Variants in PPP1R16B observed in about 807,000 individuals in gnomAD.
The protein encoded by PPP1R16B is protein phosphatase 1 regulatory inhibitor subunit 16B.
In PPP1R16B, 14 loss-of-function variants were observed where a neutral mutation model predicts 61.7. That is an observed-to-expected ratio of 0.23 (90% CI 0.15 to 0.35). The LOEUF is 0.35. PPP1R16B is among the 10% of genes least tolerant of loss of function. The probability of loss-of-function intolerance (pLI) is 1.00; values close to 1 mark genes in which losing one functional copy is unlikely to be tolerated. For missense variants in PPP1R16B, 547 were observed against 752.5 expected (o/e 0.73, Z 3.19); for synonymous variants, 266 against 305.3 (o/e 0.87, Z 1.34).
intron 2 of PPP1R16B, among the ~76,000 whole-genome samples, chr20:38,865,901 G>A (rs986060779): frequency 6.6e-6 from 1 of 152,022 alleles, no homozygotes; most frequent in African/African-American, 2.4e-5. Context: ...CGAGTTGGGC[G>A]GATCATGAGG....
intron 1 of PPP1R16B, among the ~76,000 whole-genome samples, chr20:38,834,094 A>G (rs931784940): frequency 6.6e-6 from 1 of 152,222 alleles, no homozygotes; most frequent in Admixed American, 6.5e-5. Context: ...TGCTGCATTT[A>G]CATCTCCCTA....
intron 2 of PPP1R16B, 137 bp from the exon 3 acceptor site, chr20:38,889,458 G>C (rs1027503842): frequency 5.4e-6 from 4 of 735,842 alleles, no homozygotes; most frequent in Non-Finnish European, 9.5e-6. Context: ...CTGGGCGTCA[G>C]TTGTCTCATC....
At chr20:38,916,110 A>G (rs1163448519) in intron 10 of PPP1R16B, among the ~76,000 whole-genome samples, 1 of 150,922 alleles carries the variant, frequency 6.6e-6, no homozygotes, top group Non-Finnish European at 1.5e-5. Context: ...TCATGCCTGT[A>G]ATCCCAGTGC....
intron 1 of PPP1R16B, among the ~76,000 whole-genome samples, chr20:38,807,203 C>T (rs781231372): frequency 4.6e-5 from 7 of 152,166 alleles, no homozygotes; most frequent in Non-Finnish European, 8.8e-5. Context: ...GGAGAAAAAC[C>T]GTCCATCTAG....
rs750762635 is a variant in PPP1R16B, at chr20:38,918,672, G to A, written c.*6G>A. ...GCTGTTGCCGTATCTCCTAGTCTCCGTGTGATGGAGGAGGGAGATGCCTGG... is the reference window on the plus strand; with the variant it reads ...GCTGTTGCCGTATCTCCTAGTCTCCATGTGATGGAGGAGGGAGATGCCTGG... On this transcript the variant is annotated 3_prime_UTR_variant, in exon 11 of 11. Transcript: ENST00000299824. This position sits in a 1 kb window ranked among gnomAD's most constrained non-coding sequence, Gnocchi z 5.3. The A allele has an allele frequency of 1.1e-4, 159 of 1,501,074 alleles. No homozygotes were observed. The highest frequency in any genetic ancestry group is 1.3e-4 in the Non-Finnish European group (143 of 1,127,360). 93.0% of individuals were successfully genotyped at this position (1,501,074 alleles called of 1,614,324 possible). A position where few individuals can be genotyped will look rare whatever the true frequency, so the allele number is the denominator to read the frequency against.
In PPP1R16B at chr20:38,907,180, A is replaced by G; in HGVS notation, c.898+126A>G. On this transcript the variant is annotated intron_variant, in intron 8 of 10. Coordinates refer to ENST00000299824, the MANE Select transcript of PPP1R16B (RefSeq NM_015568.4). The surrounding 1 kb of genome is among the most constrained non-coding windows in gnomAD (Gnocchi z 4.5). ...GATTGGTGTCTAGATAGATAGATGG[A>G]TTAATTAATGGATGGTAGATGAATG... 1.4e-6 allele frequency: 1 copy of G among 728,392 alleles called. No homozygotes were observed. 45.1% of individuals were successfully genotyped at this position (728,392 alleles called of 1,614,324 possible).
chr20:38,910,992 T>TCAAAACAAAACAAAA (rs553973851), intron 10 of PPP1R16B, among the ~76,000 whole-genome samples: 12 of 151,262 alleles, frequency 7.9e-5, no homozygotes, highest in African/African-American at 2.9e-4. Context: ...AGACTCCGTC[T>TCAAAACAAAACAAAA]CAAAACAAAA....
intron 2 of PPP1R16B, among the ~76,000 whole-genome samples, chr20:38,846,782 T>C (rs903422213): frequency 6.6e-6 from 1 of 152,140 alleles, no homozygotes; most frequent in African/African-American, 2.4e-5. Context: ...GGCGGGAAGA[T>C]CACTTGAGCC....
chr20:38,855,930 A>G (rs1207690980), intron 2 of PPP1R16B, among the ~76,000 whole-genome samples: 1 of 64,230 alleles, frequency 1.6e-5, no homozygotes, highest in African/African-American at 8.4e-5. Context: ...ATATATATAT[A>G]TATATATATA....
At chr20:38,887,688 G>A (rs1001302784) in intron 2 of PPP1R16B, among the ~76,000 whole-genome samples, 1 of 152,254 alleles carries the variant, frequency 6.6e-6, no homozygotes, top group African/African-American at 2.4e-5. Flanking sequence ...ATAGCCAGAT[G>A]TAGCTAGTGG....
At chr20:38,875,940 G>A (rs1568670415) in intron 2 of PPP1R16B, among the ~76,000 whole-genome samples, 1 of 149,592 alleles carries the variant, frequency 6.7e-6, no homozygotes, top group Non-Finnish European at 1.5e-5. Flanking sequence ...GACTTTTATT[G>A]TGAGGGTGAA....
intron 2 of PPP1R16B, among the ~76,000 whole-genome samples, chr20:38,882,898 T>C (rs1242367528): frequency 6.6e-6 from 1 of 152,134 alleles, no homozygotes; most frequent in African/African-American, 2.4e-5. Context: ...GCCTGGAGGA[T>C]CAGAGCTCGG....
At chr20:38,846,221 G>A (rs1319510838) in intron 2 of PPP1R16B, among the ~76,000 whole-genome samples, 2 of 152,166 alleles carry the variant, frequency 1.3e-5, no homozygotes, top group East Asian at 3.9e-4. Flanking sequence ...TGGAGCTCAG[G>A]GGAGATATCA....
chr20:38,902,228 C>T (rs952065896), intron 5 of PPP1R16B, among the ~76,000 whole-genome samples: 11 of 152,172 alleles, frequency 7.2e-5, no homozygotes, highest in Non-Finnish European at 1.0e-4. Context: ...ATTGATTGAG[C>T]GTTGTGCCAG....
intron 1 of PPP1R16B, among the ~76,000 whole-genome samples, chr20:38,807,683 C>CT (rs2084671604): frequency 6.6e-6 from 1 of 152,166 alleles, no homozygotes; most frequent in African/African-American, 2.4e-5. Context: ...CCCCAGGATG[C>CT]TGGGGGCAAG....
intron 2 of PPP1R16B, among the ~76,000 whole-genome samples, chr20:38,859,528 G>A (rs2085032680): frequency 6.6e-6 from 1 of 152,224 alleles, no homozygotes; most frequent in Non-Finnish European, 1.5e-5. Flanking sequence ...TTCTTGCTCT[G>A]TTGCCCAGAC....
chr20:38,883,609 G>A (rs1386364364), intron 2 of PPP1R16B, among the ~76,000 whole-genome samples: 1 of 152,194 alleles, frequency 6.6e-6, no homozygotes, highest in African/African-American at 2.4e-5. Flanking sequence ...GGGGGTGGCG[G>A]GGCACCGACT....
intron 3 of PPP1R16B, among the ~76,000 whole-genome samples, chr20:38,889,869 C>T (rs974384363): frequency 6.6e-5 from 10 of 152,352 alleles, no homozygotes; most frequent in South Asian, 2.1e-4. Flanking sequence ...GCCCTGTGTG[C>T]GCCCGCAGAC....
chr20:38,846,640 T>A (rs1350861683), intron 2 of PPP1R16B, among the ~76,000 whole-genome samples: 1 of 152,238 alleles, frequency 6.6e-6, no homozygotes, highest in African/African-American at 2.4e-5. Flanking sequence ...ACTCCCTTAT[T>A]ATTGCATTTT....
Sources: gnomAD v4.1 joint callset for allele counts (sites outside exome capture counted in the v4.1 genomes callset) on GRCh38, gnomAD v4.1.1 for gene constraint, Gnocchi (gnomAD v3.1) non-coding constraint, MANE v1.5 for transcripts, NCBI Gene and HGNC (gene_info 2026-07-23, HGNC 2026-07-21) for gene names.